ZFHX3: variants seen among roughly 807,000 people sequenced by gnomAD.
ZFHX3 encodes the protein zinc finger homeobox 3, also known as zinc finger homeobox protein 3.
Under a neutral mutation model 279.1 loss-of-function variants are expected in ZFHX3, and 42 were observed. The ratio of observed to expected loss-of-function variants is 0.15; its 90% CI spans 0.12 to 0.19. The LOEUF (loss-of-function observed/expected upper bound fraction) is 0.19, where lower values mean the gene tolerates loss of function less well. ZFHX3 is among the 10% of genes least tolerant of loss of function. The probability of loss-of-function intolerance (pLI) is 1.00; values close to 1 mark genes in which losing one functional copy is unlikely to be tolerated. For missense variants in ZFHX3, 4,981 were observed against 4,754.0 expected, an observed-to-expected ratio of 1.05 and a Z score of -1.40; for synonymous variants, 2,293 against 1,957.8, an observed-to-expected ratio of 1.17 and a Z score of -4.52.
intron 5 of ZFHX3, among the ~76,000 whole-genome samples, chr16:73,157,864 G>A (rs1967133486): frequency 6.6e-6 from 1 of 152,122 alleles, no homozygotes; most frequent in Non-Finnish European, 1.5e-5. Flanking sequence ...GAGCCTCTGA[G>A]AGAGAGAAGC....
chr16:73,408,878 C>T (rs2017414275), intron 3 of ZFHX3, among the ~76,000 whole-genome samples: 1 of 152,052 alleles, frequency 6.6e-6, no homozygotes. Flanking sequence ...CCGAAGTTGT[C>T]CTCATCTTCC....
At chr16:73,639,900 C>G (rs767915233) in intron 2 of ZFHX3, among the ~76,000 whole-genome samples, 19 of 152,136 alleles carry the variant, frequency 1.2e-4, no homozygotes, top group Non-Finnish European at 2.8e-4. Flanking sequence ...TAGCAGAGCA[C>G]AGGAAACTGA....
intron 2 of ZFHX3, among the ~76,000 whole-genome samples, chr16:73,493,928 C>T (rs1030221509): frequency 6.6e-6 from 1 of 152,098 alleles, no homozygotes; most frequent in African/African-American, 2.4e-5. Context: ...ATCAAGTGCA[C>T]CCTAGACTGA....
At chr16:73,729,371 A>T (rs1368909484) in intron 1 of ZFHX3, among the ~76,000 whole-genome samples, 1 of 152,176 alleles carries the variant, frequency 6.6e-6, no homozygotes, top group Admixed American at 6.5e-5. Context: ...CACTAAAAAC[A>T]TACAAAAATT....
chr16:73,348,751 G>T (rs2016167801), intron 3 of ZFHX3, among the ~76,000 whole-genome samples: 1 of 152,202 alleles, frequency 6.6e-6, no homozygotes, highest in African/African-American at 2.4e-5. Context: ...CACATTCCCG[G>T]TTAAAGACGG....
chr16:73,338,186 CAA>C (rs1197962777), intron 3 of ZFHX3, among the ~76,000 whole-genome samples: 1 of 152,136 alleles, frequency 6.6e-6, no homozygotes, highest in Non-Finnish European at 1.5e-5. Context: ...TGTATGACCA[CAA>C]GTGTCACGTG....
intron 2 of ZFHX3, among the ~76,000 whole-genome samples, chr16:72,957,176 T>C (rs1961289360): frequency 1.3e-5 from 2 of 152,146 alleles, no homozygotes; most frequent in Non-Finnish European, 2.9e-5. Flanking sequence ...GAGGAAACAC[T>C]CACATTTTAA....
At chr16:73,009,805 G>C (rs1211214040) in intron 1 of ZFHX3, among the ~76,000 whole-genome samples, 1 of 152,056 alleles carries the variant, frequency 6.6e-6, no homozygotes, top group Non-Finnish European at 1.5e-5. Flanking sequence ...CGAATCACTT[G>C]AGGTCAGGAG....
At chr16:73,711,548 G>C (rs984163598) in intron 1 of ZFHX3, among the ~76,000 whole-genome samples, 7 of 152,150 alleles carry the variant, frequency 4.6e-5, no homozygotes, top group Non-Finnish European at 8.8e-5. Context: ...CAGAGCCAAG[G>C]GGTCACCAAG....
At chr16:72,792,648 C>A (rs2035751403) in intron 9 of ZFHX3, among the ~76,000 whole-genome samples, 1 of 152,104 alleles carries the variant, frequency 6.6e-6, no homozygotes, top group Non-Finnish European at 1.5e-5. Flanking sequence ...GATGGGGTTT[C>A]ACCATGTTGG....
chr16:73,800,668 C>T (rs1311417400), intron 1 of ZFHX3, among the ~76,000 whole-genome samples: 1 of 152,114 alleles, frequency 6.6e-6, no homozygotes, highest in Non-Finnish European at 1.5e-5. Flanking sequence ...GACCACAGCC[C>T]CTGGGGCTTT....
intron 3 of ZFHX3, among the ~76,000 whole-genome samples, chr16:73,406,377 G>A (rs1193713317): frequency 6.6e-6 from 1 of 152,154 alleles, no homozygotes; most frequent in Non-Finnish European, 1.5e-5. Context: ...AGTTACAGTC[G>A]AGGCAGGACC....
In ZFHX3 at chr16:73,344,654, T is replaced by G. The variant is rs1247582156; in HGVS notation, c.-1290-26318A>C. ...AAGGAAGCACAAAGCCAGCAATTTA[T>G]TCTCAAATGACTGAGAAAAATTATA... On this transcript the variant is annotated intron_variant, in intron 3 of 17. Coordinates refer to the ZFHX3 transcript ENST00000641206. Among the ~76,000 whole-genome samples the G allele has an allele frequency of 1.1e-4, 17 of 152,158 alleles. 1 individual carries two copies. Among genetic ancestry groups the G allele is most frequent in the Admixed American group, 1.0e-3 (16 of 15,266 alleles).
At chr16:73,108,789 C>A (rs540219809) in intron 7 of ZFHX3, among the ~76,000 whole-genome samples, 4 of 152,190 alleles carry the variant, frequency 2.6e-5, no homozygotes, top group Non-Finnish European at 5.9e-5. Context: ...TGATTAGGTC[C>A]TTTTGGGATC....
intron 5 of ZFHX3, among the ~76,000 whole-genome samples, chr16:72,823,261 CTACTGCA>C (rs2143683666): frequency 6.6e-6 from 1 of 152,322 alleles, no homozygotes; most frequent in African/African-American, 2.4e-5. Flanking sequence ...CACATGCATC[CTACTGCA>C]AAGACAAATT....
intron 2 of ZFHX3, among the ~76,000 whole-genome samples, chr16:73,641,924 G>GATGCAAAC (rs2052576386): frequency 6.6e-6 from 1 of 152,122 alleles, no homozygotes; most frequent in African/African-American, 2.4e-5. Flanking sequence ...GAAATTCTCA[G>GATGCAAAC]ATGCAAACGA....
intron 4 of ZFHX3, among the ~76,000 whole-genome samples, chr16:72,852,167 T>C (rs567099744): frequency 1.1e-4 from 16 of 151,558 alleles, no homozygotes; most frequent in African/African-American, 3.4e-4. Flanking sequence ...ATTCTTAATT[T>C]TGATCTGTTG....
At chr16:72,831,188 T>C (rs961306451) in intron 4 of ZFHX3, among the ~76,000 whole-genome samples, 5 of 152,086 alleles carry the variant, frequency 3.3e-5, no homozygotes, top group Non-Finnish European at 5.9e-5. Flanking sequence ...ACAAAGTAAA[T>C]TGGTCTCAAA....
intron 2 of ZFHX3, among the ~76,000 whole-genome samples, chr16:73,528,753 A>G (rs1260381500): frequency 6.6e-6 from 1 of 152,208 alleles, no homozygotes; most frequent in African/African-American, 2.4e-5. Flanking sequence ...ACCAACACCA[A>G]ACATTTGAAG....
Sources: allele counts gnomAD v4.1 joint callset (sites outside exome capture counted in the v4.1 genomes callset), GRCh38; gene constraint gnomAD v4.1.1; transcripts MANE v1.5; gene names NCBI Gene and HGNC (gene_info 2026-07-23, HGNC 2026-07-21).